RUNX1T1: variants seen among roughly 807,000 people sequenced by gnomAD.
RUNX1T1 encodes RUNX1 partner transcriptional co-repressor 1, also known as protein CBFA2T1.
RUNX1T1 carries 4 observed loss-of-function variants against 62.8 expected under a neutral mutation model. The observed-to-expected ratio is 0.06, with a 90% CI of 0.03 to 0.15. The LOEUF (loss-of-function observed/expected upper bound fraction) is 0.15. Ranked by LOEUF, RUNX1T1 falls within the 10% of genes least tolerant of loss-of-function variation. The pLI is 1.00. For missense variants in RUNX1T1, 508 were observed against 754.3 expected (o/e 0.67, Z 3.82); for synonymous variants, 291 against 286.0 (o/e 1.02, Z -0.18).
intron 1 of RUNX1T1, among the ~76,000 whole-genome samples, chr8:92,097,076 G>C (rs533193429): frequency 5.5e-4 from 83 of 152,242 alleles, no homozygotes; most frequent in Middle Eastern, 3.4e-3. Context: ...GGGCATAGGT[G>C]GGGGAAGGGC....
At chr8:92,025,415 C>G (rs1176098400) in intron 1 of RUNX1T1, among the ~76,000 whole-genome samples, 1 of 152,182 alleles carries the variant, frequency 6.6e-6, no homozygotes, top group Non-Finnish European at 1.5e-5. Context: ...TACTAGACAG[C>G]TGCAGTTCTC....
At chr8:91,992,240 C>A (rs573365270) in intron 5 of RUNX1T1, among the ~76,000 whole-genome samples, 1 of 152,048 alleles carries the variant, frequency 6.6e-6, no homozygotes, top group Non-Finnish European at 1.5e-5. Context: ...ACCCTAAGAC[C>A]GACTGTATTT....
chr8:92,082,932 G>A (rs572765437), intron 1 of RUNX1T1, among the ~76,000 whole-genome samples: 19 of 152,190 alleles, frequency 1.2e-4, no homozygotes, highest in African/African-American at 3.6e-4. Flanking sequence ...GAGGGAGACC[G>A]TGGCAACTAA....
At chr8:92,095,943 CA>C (rs1295929457) in intron 1 of RUNX1T1, among the ~76,000 whole-genome samples, 1 of 152,174 alleles carries the variant, frequency 6.6e-6, no homozygotes, top group East Asian at 1.9e-4. Context: ...AGACAGTCGC[CA>C]TCTCACCTCC....
intron 1 of RUNX1T1, among the ~76,000 whole-genome samples, chr8:92,082,540 C>A (rs1021190947): frequency 1.3e-5 from 2 of 152,198 alleles, no homozygotes; most frequent in African/African-American, 4.8e-5. Context: ...TGAGGCCCCA[C>A]ACACAGCTGT....
chr8:92,005,262 G>A (rs1820525697), exon 5 of RUNX1T1: 1 of 1,612,750 alleles, frequency 6.2e-7, no homozygotes, highest in Non-Finnish European at 8.5e-7. Context: ...GTCTTGCGCA[G>A]TGGAGGAGCT....
intron 1 of RUNX1T1, among the ~76,000 whole-genome samples, chr8:92,051,473 C>G (rs1256435856): frequency 1.3e-5 from 2 of 151,894 alleles, no homozygotes; most frequent in Admixed American, 1.3e-4. Flanking sequence ...ATATTAAAAA[C>G]TACTTAATTT....
chr8:92,003,391 A>G (rs1820134641), intron 5 of RUNX1T1: 1 of 456,252 alleles, frequency 2.2e-6, no homozygotes, highest in Non-Finnish European at 4.4e-6. Context: ...CTGGAAATAC[A>G]GAGAAATGAA....
chr8:91,976,114 A>G (rs2130703364), intron 8 of RUNX1T1, 141 bp from the exon 10 acceptor site: 2 of 599,684 alleles, frequency 3.3e-6, no homozygotes, highest in Non-Finnish European at 6.1e-6. Flanking sequence ...TAAACATTTC[A>G]CTTCTTGAAA....
chr8:92,059,239 T>A (rs1831516057), intron 1 of RUNX1T1, among the ~76,000 whole-genome samples: 1 of 152,192 alleles, frequency 6.6e-6, no homozygotes, highest in Admixed American at 6.5e-5. Flanking sequence ...GCAAACCAAC[T>A]TGCAAAGTAA....
chr8:91,963,663 T>C (rs1184687321), intron 10 of RUNX1T1, among the ~76,000 whole-genome samples: 1 of 152,228 alleles, frequency 6.6e-6, no homozygotes. Context: ...AGCTTTCTAC[T>C]GTTCACAAAG....
intron 1 of RUNX1T1, among the ~76,000 whole-genome samples, chr8:92,023,812 C>T (rs1480859466): frequency 6.6e-6 from 1 of 152,140 alleles, no homozygotes; most frequent in Non-Finnish European, 1.5e-5. Flanking sequence ...TTGGGAACTA[C>T]CATGTTCTTT....
intron 1 of RUNX1T1, among the ~76,000 whole-genome samples, chr8:92,024,746 T>C (rs1824822251): frequency 6.6e-6 from 1 of 152,150 alleles, no homozygotes; most frequent in Non-Finnish European, 1.5e-5. Context: ...TTTCAGTCTC[T>C]TAAGGGCTCC....
intron 1 of RUNX1T1, among the ~76,000 whole-genome samples, chr8:92,099,333 T>A: frequency 6.6e-6 from 1 of 152,246 alleles, no homozygotes; most frequent in Non-Finnish European, 1.5e-5. Flanking sequence ...AATGAGTTCA[T>A]TCTTTCAAGG....
intron 1 of RUNX1T1, among the ~76,000 whole-genome samples, chr8:92,061,521 C>T (rs938722494): frequency 2.0e-5 from 3 of 152,210 alleles, no homozygotes; most frequent in Non-Finnish European, 4.4e-5. Context: ...AAGTGCAATT[C>T]TGCCACAAAT....
At chr8:92,057,356 C>T (rs1412335663) in intron 1 of RUNX1T1, among the ~76,000 whole-genome samples, 1 of 152,184 alleles carries the variant, frequency 6.6e-6, no homozygotes, top group Admixed American at 6.5e-5. Context: ...TCCAGGGAAT[C>T]CCATCTCTAC....
rs147496061 is a variant in RUNX1T1, at chr8:92,060,605, T to C, written c.7+1941A>G. On this transcript the variant is annotated intron_variant, in intron 1 of 10. Coordinates refer to ENST00000396218, the Ensembl canonical transcript of RUNX1T1. Reference sequence around the variant, plus strand: ...TGTGTGTATGTTGATATATAGTCATTTAAGCAGTAGATGATATCAGAGTGC... The same window carrying C: ...TGTGTGTATGTTGATATATAGTCATCTAAGCAGTAGATGATATCAGAGTGC... Among the ~76,000 whole-genome samples, 836 of 142,776 alleles carry C rather than the reference T, an allele frequency of 5.9e-3. 11 individuals carry two copies. The highest frequency in any genetic ancestry group is 0.041 in the Middle Eastern group (11 of 266). 93.7% of individuals were successfully genotyped at this position (142,776 alleles called of 152,430 possible).
chr8:91,970,018 CTGTGTG>C lies in RUNX1T1; in HGVS notation c.1458+634_1458+639del, dbSNP rs1554595112. ...CAGATCTTTGAGCCATTTAGGCTAG[CTGTGTG>C]TGTGTGTGTGTGTGTGTGTTGTGTG... On this transcript the variant is annotated intron_variant, in intron 10 of 10. Transcript: ENST00000396218. Among the ~76,000 whole-genome samples the C allele has an allele frequency of 4.1e-4, 58 of 142,648 alleles. 1 individual carries two copies. Among genetic ancestry groups the C allele is most frequent in the African/African-American group, 1.5e-3 (56 of 37,472 alleles). 93.6% of individuals were successfully genotyped at this position (142,648 alleles called of 152,430 possible).
At chr8:91,991,743 G>A (rs2130882312) in exon 6 of RUNX1T1, 1 of 1,614,136 alleles carries the variant, frequency 6.2e-7, no homozygotes, top group Non-Finnish European at 8.5e-7. Context: ...ATGCTGAGGT[G>A]GAGGTGGGGT....
Sources: gnomAD v4.1 joint callset for allele counts (sites outside exome capture counted in the v4.1 genomes callset) on GRCh38, gnomAD v4.1.1 for gene constraint, MANE v1.5 for transcripts, NCBI Gene and HGNC (gene_info 2026-07-23, HGNC 2026-07-21) for gene names.